Variants in C1QTNF1 observed in about 807,000 individuals in gnomAD.
C1QTNF1 encodes the protein C1q and TNF related 1, also known as complement C1q tumor necrosis factor-related protein 1.
C1QTNF1 carries 22 observed loss-of-function variants against 27.8 expected under a neutral mutation model. The ratio of observed to expected loss-of-function variants is 0.79; its 90% CI spans 0.56 to 1.13. The LOEUF is 1.13. C1QTNF1 is among the 50% of genes most tolerant of loss of function. The pLI, the probability that C1QTNF1 is intolerant of heterozygous loss-of-function variation, is 0.00. For missense variants in C1QTNF1, 373 were observed against 380.2 expected (o/e 0.98, Z 0.16); for synonymous variants, 166 against 154.3 (o/e 1.08, Z -0.56).
At chr17:79,040,428 T>C (rs556624307) in intron 1 of C1QTNF1, among the ~76,000 whole-genome samples, 52 of 152,040 alleles carry the variant, frequency 3.4e-4, no homozygotes, top group African/African-American at 1.2e-3. Flanking sequence ...TGAGACCCTG[T>C]ATCAAAAAAG....
intron 1 of C1QTNF1, among the ~76,000 whole-genome samples, chr17:79,033,531 TAA>T (rs67515165): frequency 2.0e-5 from 3 of 147,806 alleles, no homozygotes; most frequent in Non-Finnish European, 3.0e-5. Flanking sequence ...ATCCTGTCTC[TAA>T]AAAAAAAAAA....
chr17:79,040,140 T>C (rs1599296626), intron 1 of C1QTNF1, among the ~76,000 whole-genome samples: 1 of 152,156 alleles, frequency 6.6e-6, no homozygotes, highest in East Asian at 1.9e-4. Context: ...TAGACTCTCA[T>C]AGGCTAGACA....
chr17:79,028,538 A>C (rs2072037609), intron 1 of C1QTNF1, among the ~76,000 whole-genome samples: 1 of 152,182 alleles, frequency 6.6e-6, no homozygotes, highest in Non-Finnish European at 1.5e-5. Flanking sequence ...AGATGGAAGG[A>C]TCTGGGTGGG....
chr17:79,031,154 T>C (rs1373477070), intron 1 of C1QTNF1, among the ~76,000 whole-genome samples: 2 of 151,466 alleles, frequency 1.3e-5, no homozygotes, highest in African/African-American at 4.9e-5. Context: ...TACAGGTGTC[T>C]GCCACCACGC....
At chr17:79,044,212 T>A in intron 2 of C1QTNF1, 89 bp downstream of exon 2, 1 of 1,383,498 alleles carries the variant, frequency 7.2e-7, no homozygotes, top group Non-Finnish European at 9.6e-7. Context: ...GCTAGTTCAC[T>A]GTGAGATGTG....
intron 1 of C1QTNF1, among the ~76,000 whole-genome samples, chr17:79,027,056 G>C (rs1035105572): frequency 6.9e-6 from 1 of 144,928 alleles, no homozygotes; most frequent in Non-Finnish European, 1.5e-5. Context: ...TTTGTGTCTT[G>C]TCCTCAGGGG....
rs1316735899 is a variant in C1QTNF1 at position 79,047,777 on chromosome 17, A to G, written c.535A>G (p.Asn179Asp). ...GTTCGTGAACCTCTACGACCACTTCAACATGTTCACCGGCAAGTTCTACTG... is the reference window on the plus strand; with the variant it reads ...GTTCGTGAACCTCTACGACCACTTCGACATGTTCACCGGCAAGTTCTACTG... ...TEFVNLYDHF[N>D]MFTGKFYCYV... The change falls in exon 4 of 4, where the codon AAC (asparagine) becomes GAC (aspartate). Residue 179 changes from asparagine to aspartate, a missense_variant. By Grantham distance (23) the Asn-to-Asp change is conservative (BLOSUM62 1). Transcript: ENST00000579760. 15 of 1,614,022 alleles carry G rather than the reference A, an allele frequency of 9.3e-6. No individual in the cohort carries two copies. Among genetic ancestry groups the G allele is most frequent in the Admixed American group, 1.7e-5 (1 of 60,010 alleles).
chr17:79,045,773 C>T (rs2072554440), intron 2 of C1QTNF1, among the ~76,000 whole-genome samples: 2 of 152,242 alleles, frequency 1.3e-5, no homozygotes, highest in Middle Eastern at 3.4e-3. Flanking sequence ...ATGGAGACTT[C>T]TGGTGAGAAG....
chr17:79,043,379 GTGTATGTGCA>G (rs901420800), intron 1 of C1QTNF1: 5 of 453,634 alleles, frequency 1.1e-5, no homozygotes, highest in African/African-American at 4.0e-5. Flanking sequence ...TGTGTGGACT[GTGTATGTGCA>G]TGTATGTGCA....
chr17:79,034,434 G>T (rs2072216448), intron 1 of C1QTNF1: 1 of 152,320 alleles, frequency 6.6e-6, no homozygotes. Context: ...AGGCTGGGCT[G>T]GCCAAGCGCC....
rs530999197 is a variant in C1QTNF1, at chr17:79,032,795, G to A, written c.-15+8301G>A. Among the ~76,000 whole-genome samples the A allele has an allele frequency of 5.9e-5, 9 of 152,208 alleles. No individual in the cohort carries two copies. In the South Asian group the frequency reaches 1.0e-3, roughly 18 times the overall value. ...GCCTTAGGGCAGAGCAGCCTGGTGC[G>A]GTGGCTCACACCTGTAATCCCAGCA... On this transcript the variant is annotated intron_variant, in intron 1 of 3. Transcript: ENST00000579760.
rs1222452353 is a variant in C1QTNF1, at chr17:79,048,074, G to A, written c.832G>A (p.Ala278Thr). Reference protein sequence around the residue: ...ITFSGYLVKHATEP With the variant: ...ITFSGYLVKHTTEP ...CTTCAGTGGCTACCTGGTCAAGCAC[G>A]CCACCGAGCCCTAGCTGGCCGGCCA... is the stretch of plus-strand genomic sequence containing the variant. The change falls in exon 4 of 4, where the codon GCC becomes ACC. Residue 278 changes from alanine (A) to threonine (T), a missense_variant. Physicochemically the swap from Ala to Thr is moderately conservative, Grantham distance 58. Coordinates refer to ENST00000579760, the MANE Select transcript of C1QTNF1 (RefSeq NM_030968.5). 2.1e-5 allele frequency: 33 copies of A among 1,562,208 alleles called. No individual in the cohort carries two copies. Among genetic ancestry groups the A allele is most frequent in the Non-Finnish European group, 2.6e-5 (30 of 1,158,672 alleles).
At chr17:79,037,276 C>G (rs1242352081) in intron 1 of C1QTNF1, among the ~76,000 whole-genome samples, 2 of 152,038 alleles carry the variant, frequency 1.3e-5, no homozygotes, top group African/African-American at 4.8e-5. Flanking sequence ...ATTACAGGCA[C>G]GTGCCACCAC....
At chr17:79,033,793 GATCAGGAAGGCTA>G (rs2072196371) in intron 1 of C1QTNF1, among the ~76,000 whole-genome samples, 1 of 152,164 alleles carries the variant, frequency 6.6e-6, no homozygotes, top group Non-Finnish European at 1.5e-5. Context: ...TTTGGGGGTT[GATCAGGAAGGCTA>G]AACACTGGGA....
Position 79,037,765 on chromosome 17 carries a change from C to T in C1QTNF1, c.-14-6190C>T, listed in dbSNP as rs553098001. Among the ~76,000 whole-genome samples, 7 of 152,080 alleles carry T rather than the reference C, an allele frequency of 4.6e-5. No homozygotes were observed. The South Asian group carries it at 1.5e-3, about 32-fold the overall frequency. The stretch of plus-strand genomic sequence containing the variant: ...CTTACTGCAGCCTTGACTTCCTGGA[C>T]TCAGGTGATCCTCCTACCTCAGTCT... On this transcript the variant is annotated intron_variant, in intron 1 of 3. Coordinates refer to ENST00000579760, the MANE Select transcript of C1QTNF1 (RefSeq NM_030968.5).
chr17:79,040,799 G>A (rs2072385527), intron 1 of C1QTNF1, among the ~76,000 whole-genome samples: 1 of 151,198 alleles, frequency 6.6e-6, no homozygotes, highest in Admixed American at 6.6e-5. Flanking sequence ...TTCTACTTGT[G>A]AGGCTGAGGT....
chr17:79,026,452 C>A lies in C1QTNF1; in HGVS notation c.-15+1958C>A, dbSNP rs182692824. 2.0e-5 allele frequency among the ~76,000 whole-genome samples: 3 copies of A among 152,346 alleles called. No homozygotes were observed. The East Asian group carries it at 5.8e-4, about 29-fold the overall frequency. On this transcript the variant is annotated intron_variant, in intron 1 of 3. Transcript: ENST00000579760. ...TACAGGGGTGAGCCACCGCGCCTGG[C>A]CTCCGGGGCGTATACTTTTAACCTT...
At chr17:79,026,983 C>A (rs1223241178) in intron 1 of C1QTNF1, among the ~76,000 whole-genome samples, 1 of 151,472 alleles carries the variant, frequency 6.6e-6, no homozygotes, top group Non-Finnish European at 1.5e-5. Context: ...GAACTTTGCT[C>A]ATCAAAACAA....
In C1QTNF1 at chr17:79,046,125, C is replaced by T. The variant is rs574984830; in HGVS notation, c.156-430C>T. Among the ~76,000 whole-genome samples, 4 of 152,304 alleles carry T rather than the reference C, an allele frequency of 2.6e-5. No individual in the cohort carries two copies. Among genetic ancestry groups the T allele is most frequent in the South Asian group, 4.1e-4 (2 of 4,830 alleles). On this transcript the variant is annotated intron_variant, in intron 2 of 3. Coordinates refer to ENST00000579760, the MANE Select transcript of C1QTNF1 (RefSeq NM_030968.5). The surrounding 1 kb of genome is among the most constrained non-coding windows in gnomAD (Gnocchi z 4.8). ...GTTGGAAACATAAGAGTCTCTCCAG[C>T]GGCTACAGCTGAGGGGAATCCTAAA...
Sources: allele counts gnomAD v4.1 joint callset (sites outside exome capture counted in the v4.1 genomes callset), GRCh38; gene constraint gnomAD v4.1.1; non-coding constraint Gnocchi (gnomAD v3.1); transcripts MANE v1.5; gene names NCBI Gene and HGNC (gene_info 2026-07-23, HGNC 2026-07-21).